Variants in CA1 observed in about 807,000 individuals in gnomAD.
CA1 encodes carbonic anhydrase 1, also known as carbonate dehydratase I.
A neutral mutation model predicts 28.8 loss-of-function variants in CA1; 27 were observed. The observed-to-expected ratio is 0.94, with a 90% CI of 0.69 to 1.29. The LOEUF (loss-of-function observed/expected upper bound fraction) is 1.29, where lower values mean the gene tolerates loss of function less well. Among genes scored for constraint, CA1 ranks in the 50% most tolerant of loss-of-function variants. The pLI is 0.00. For synonymous variants in CA1, 121 were observed against 108.8 expected (o/e 1.11, Z -0.70); for missense variants, 335 against 310.5 (o/e 1.08, Z -0.59).
At chr8:85,372,426 A>G (rs1052965142) in intron 1 of CA1, among the ~76,000 whole-genome samples, 2 of 152,214 alleles carry the variant, frequency 1.3e-5, no homozygotes, top group African/African-American at 4.8e-5. Flanking sequence ...TCCTCAAAGA[A>G]TTAAACACAG....
chr8:85,333,599 A>C lies in CA1; in HGVS notation c.376T>G (p.Ser126Ala). The C allele has an allele frequency of 6.8e-6, 11 of 1,610,852 alleles. No homozygotes were observed. The highest frequency in any genetic ancestry group is 9.3e-6 in the Non-Finnish European group (11 of 1,177,456). ...SAELHVAHWN[S>A]AKYSSLAEAA... ...TCAGCAAGGCTGGAGTACTTTGCAG[A>C]ATTCCAGTGAGCTACGTGAAGCTAA... Residue 126 changes from serine to alanine, a missense_variant, in exon 5 of 8, where the codon TCT (serine) becomes GCT (alanine). Physicochemically the swap from Ser to Ala is moderately conservative, Grantham distance 99. Transcript: ENST00000523022.
chr8:85,349,291 A>G (rs1484741230), intron 1 of CA1, among the ~76,000 whole-genome samples: 1 of 152,188 alleles, frequency 6.6e-6, no homozygotes, highest in African/African-American at 2.4e-5. Context: ...TTTCCATTTC[A>G]AAAGGAAGAA....
chr8:85,350,149 A>G (rs1809350302), intron 1 of CA1, among the ~76,000 whole-genome samples: 2 of 152,226 alleles, frequency 1.3e-5, no homozygotes, highest in African/African-American at 4.8e-5. Flanking sequence ...ACCTAAACAT[A>G]TACAATAAGC....
intron 2 of CA1, among the ~76,000 whole-genome samples, chr8:85,339,316 T>A (rs759708326): frequency 2.6e-5 from 4 of 152,322 alleles, no homozygotes; most frequent in Non-Finnish European, 5.9e-5. Flanking sequence ...ATTTTAAACT[T>A]TTTAATTGTT....
intron 4 of CA1, among the ~76,000 whole-genome samples, chr8:85,336,104 G>T (rs968927233): frequency 2.0e-5 from 3 of 152,108 alleles, no homozygotes; most frequent in Non-Finnish European, 4.4e-5. Flanking sequence ...AATAAATTCT[G>T]ATGCATTCAC....
chr8:85,346,849 C>T (rs748231231), intron 1 of CA1, among the ~76,000 whole-genome samples: 2 of 152,104 alleles, frequency 1.3e-5, no homozygotes, highest in Non-Finnish European at 2.9e-5. Context: ...TTTTAACTCT[C>T]AGGCAAATAG....
intron 5 of CA1, 53 bp from the exon 6 acceptor site, chr8:85,332,605 C>G: frequency 7.5e-7 from 1 of 1,334,660 alleles, no homozygotes; most frequent in Non-Finnish European, 1.1e-6. Flanking sequence ...CAATCGAACA[C>G]TGCTTAGCTA....
At chr8:85,377,288 A>T (rs1343763513) in intron 1 of CA1, among the ~76,000 whole-genome samples, 1 of 152,154 alleles carries the variant, frequency 6.6e-6, no homozygotes, top group Non-Finnish European at 1.5e-5. Flanking sequence ...GAATTGCTTT[A>T]ATTATTAGAG....
intron 1 of CA1, among the ~76,000 whole-genome samples, chr8:85,354,388 C>T (rs1809528037): frequency 6.6e-6 from 1 of 151,690 alleles, no homozygotes; most frequent in East Asian, 1.9e-4. Flanking sequence ...AAATTAATCT[C>T]TTAGATACAC....
rs189095198 is a variant in CA1, at chr8:85,368,930, C to T, written c.-25+9116G>A. Among the ~76,000 whole-genome samples, 427 of 152,078 alleles carry T rather than the reference C, an allele frequency of 2.8e-3. 1 individual carries two copies. Among genetic ancestry groups the T allele is most frequent in the Middle Eastern group, 0.01 (3 of 294 alleles). On this transcript the variant is annotated intron_variant, in intron 1 of 7. Transcript: ENST00000523022. ...AGTACCAAGCCTCTGGATAGAGCTT[C>T]GAGGGAAGGATTTTGGGGTCATGGG...
intron 1 of CA1, among the ~76,000 whole-genome samples, chr8:85,374,657 T>C (rs1254504266): frequency 2.0e-5 from 3 of 152,214 alleles, no homozygotes; most frequent in African/African-American, 7.2e-5. Context: ...TGATTGAAAT[T>C]ATTTTCCCTC....
rs539624767 is a variant in CA1 at position 85,354,485 on chromosome 8, T to A, written c.-24-12826A>T. Among the ~76,000 whole-genome samples the A allele has an allele frequency of 2.0e-5, 3 of 152,272 alleles. No homozygotes were observed. In the South Asian group the frequency reaches 6.2e-4, roughly 32 times the overall value. On this transcript the variant is annotated intron_variant, in intron 1 of 7. Coordinates refer to ENST00000523022, the MANE Select transcript of CA1 (RefSeq NM_001128831.4). ...AAATCTTGTTGGGATGATCTGTTTT[T>A]AGAGTTCTCTAAAAAATATCTGTTT... is the stretch of plus-strand genomic sequence containing the variant.
rs1278612396 is a variant in CA1, at chr8:85,328,275, A to G, written c.*285T>C. On this transcript the variant is annotated 3_prime_UTR_variant, in exon 8 of 8. Coordinates refer to ENST00000523022, the MANE Select transcript of CA1 (RefSeq NM_001128831.4). ...TTGGTTCAAATAAACTGAAAAAAAT[A>G]GACATACAAATCACTTAGTTGTAAT... The G allele has an allele frequency of 4.4e-6, 1 of 225,322 alleles. No individual in the cohort carries two copies. The allele number at this position is 225,322 out of a possible 1,614,324, so 14.0% of individuals were successfully genotyped here. A position where few individuals can be genotyped will look rare whatever the true frequency, so the allele number is the denominator to read the frequency against.
intron 1 of CA1, among the ~76,000 whole-genome samples, chr8:85,358,639 G>A (rs970801391): frequency 6.6e-6 from 1 of 152,156 alleles, no homozygotes; most frequent in Admixed American, 6.6e-5. Flanking sequence ...CCTGCCTTCT[G>A]GTATCCATAC....
intron 2 of CA1, among the ~76,000 whole-genome samples, chr8:85,338,916 A>T (rs1004077080): frequency 6.6e-6 from 1 of 151,674 alleles, no homozygotes; most frequent in Admixed American, 6.6e-5. Flanking sequence ...GGGTTTCATC[A>T]TGTTGTCCAG....
chr8:85,328,264 C>A lies in CA1; in HGVS notation c.*296G>T. On this transcript the variant is annotated 3_prime_UTR_variant, in exon 8 of 8. Transcript: ENST00000523022. ...AAATTATTTTATTGGTTCAAATAAA[C>A]TGAAAAAAATAGACATACAAATCAC... The A allele has an allele frequency of 4.8e-6, 1 of 208,164 alleles. No individual in the cohort carries two copies. Among genetic ancestry groups the A allele is most frequent in the Non-Finnish European group, 9.6e-6 (1 of 104,332 alleles). The allele number at this position is 208,164 out of a possible 1,614,324, so 12.9% of individuals were successfully genotyped here. A position where few individuals can be genotyped will look rare whatever the true frequency, so the allele number is the denominator to read the frequency against.
At chr8:85,336,913 G>A (rs199510841) in intron 4 of CA1, 32 bp downstream of exon 4, 239 of 1,273,352 alleles carry the variant, frequency 1.9e-4, no homozygotes, top group Non-Finnish European at 2.3e-4. Context: ...TACTCTCAGG[G>A]TAATTATCTC....
At chr8:85,347,702 G>A (rs1809255054) in intron 1 of CA1, among the ~76,000 whole-genome samples, 1 of 152,040 alleles carries the variant, frequency 6.6e-6, no homozygotes, top group South Asian at 2.1e-4. Context: ...CCACTCCTAT[G>A]TCTTGTTCAT....
At chr8:85,343,144 T>C (rs1039352735) in intron 1 of CA1, 3 of 152,140 alleles carry the variant, frequency 2.0e-5, no homozygotes, top group Non-Finnish European at 4.4e-5. Flanking sequence ...GGCATTAAAA[T>C]CTGTGTTTTA....
Sources: allele counts gnomAD v4.1 joint callset (sites outside exome capture counted in the v4.1 genomes callset), GRCh38; gene constraint gnomAD v4.1.1; transcripts MANE v1.5; gene names NCBI Gene and HGNC (gene_info 2026-07-23, HGNC 2026-07-21).